EPHB1: variants seen among roughly 807,000 people sequenced by gnomAD.
EPHB1 encodes ephrin type-B receptor 1.
A neutral mutation model predicts 94.4 loss-of-function variants in EPHB1; 30 were observed. The observed-to-expected ratio is 0.32, with a 90% confidence interval of 0.24 to 0.43. The LOEUF is 0.43. Among genes scored for constraint, EPHB1 ranks in the 20% least tolerant of loss-of-function variants. The probability of loss-of-function intolerance (pLI) is 1.00; values close to 1 mark genes in which losing one functional copy is unlikely to be tolerated. For missense variants in EPHB1, 1,055 were observed against 1,308.3 expected (o/e 0.81, Z 2.99); for synonymous variants, 522 against 489.1 (o/e 1.07, Z -0.89).
chr3:135,207,936 A>G (rs1404905711), intron 12 of EPHB1, among the ~76,000 whole-genome samples: 1 of 152,230 alleles, frequency 6.6e-6, no homozygotes, highest in Non-Finnish European at 1.5e-5. Flanking sequence ...CTCCACCTTC[A>G]TGACATAAAC....
At chr3:134,818,196 T>C (rs79113956) in intron 1 of EPHB1, among the ~76,000 whole-genome samples, 18,156 of 152,078 alleles carry the variant, frequency 0.12, 2,628 homozygotes, top group African/African-American at 0.35. Context: ...TTCTCTACCC[T>C]ACTTTCATTT....
At chr3:134,908,140 T>G (rs1165687313) in intron 1 of EPHB1, among the ~76,000 whole-genome samples, 2 of 152,244 alleles carry the variant, frequency 1.3e-5, no homozygotes, top group Non-Finnish European at 2.9e-5. Flanking sequence ...CACACTGCAG[T>G]GCAGTAAGCT....
intron 3 of EPHB1, among the ~76,000 whole-genome samples, chr3:134,994,185 GT>G (rs1934912803): frequency 6.6e-6 from 1 of 152,198 alleles, no homozygotes; most frequent in African/African-American, 2.4e-5. Flanking sequence ...TTTATTTATT[GT>G]TTTATTCCTA....
Position 134,890,917 on chromosome 3 carries a change from C to A in EPHB1, c.59-34899C>A, listed in dbSNP as rs564780309. On this transcript the variant is annotated intron_variant, in intron 1 of 15. Coordinates refer to ENST00000398015, the MANE Select transcript of EPHB1 (RefSeq NM_004441.5). The stretch of plus-strand genomic sequence containing the variant: ...TCTATATATGACTTTAATAGCCTGC[C>A]TTTTTACCACCTAAGACAGATTGCC... Among the ~76,000 whole-genome samples the A allele has an allele frequency of 5.1e-4, 77 of 152,102 alleles. 1 individual carries two copies. The highest frequency in any genetic ancestry group is 9.8e-4 in the Admixed American group (15 of 15,282).
chr3:134,812,337 T>C (rs573160760), intron 1 of EPHB1, among the ~76,000 whole-genome samples: 5 of 152,354 alleles, frequency 3.3e-5, no homozygotes, highest in African/African-American at 1.2e-4. Flanking sequence ...TGTTTTGCTT[T>C]TCTAAAAGCT....
intron 1 of EPHB1, among the ~76,000 whole-genome samples, chr3:134,832,070 T>C (rs1166613046): frequency 6.6e-6 from 1 of 152,196 alleles, no homozygotes; most frequent in African/African-American, 2.4e-5. Flanking sequence ...AATAGATACT[T>C]TTTAGTTTTA....
intron 12 of EPHB1, among the ~76,000 whole-genome samples, chr3:135,232,971 G>A (rs559500700): frequency 6.6e-6 from 1 of 152,188 alleles, no homozygotes; most frequent in African/African-American, 2.4e-5. Flanking sequence ...CCTCCCACTG[G>A]GTCTCTATTA....
intron 5 of EPHB1, among the ~76,000 whole-genome samples, chr3:135,137,254 G>A (rs1460120177): frequency 6.6e-6 from 1 of 152,168 alleles, no homozygotes; most frequent in Non-Finnish European, 1.5e-5. Context: ...AGAGAGTGGT[G>A]GGGACTGCAG....
chr3:134,800,958 C>T (rs1424781472), intron 1 of EPHB1, among the ~76,000 whole-genome samples: 1 of 152,178 alleles, frequency 6.6e-6, no homozygotes, highest in Admixed American at 6.5e-5. Flanking sequence ...GGCAGTCAGG[C>T]TCTGTAGTCT....
chr3:135,118,442 G>A (rs1939802357), intron 4 of EPHB1, among the ~76,000 whole-genome samples: 1 of 152,198 alleles, frequency 6.6e-6, no homozygotes, highest in African/African-American at 2.4e-5. Context: ...TATTACAACT[G>A]GTTCCAATTT....
At chr3:134,918,107 T>C (rs1006338141) in intron 1 of EPHB1, among the ~76,000 whole-genome samples, 1 of 152,250 alleles carries the variant, frequency 6.6e-6, no homozygotes, top group Admixed American at 6.5e-5. Flanking sequence ...CACAGCTCTG[T>C]GCTCTGAAGT....
At chr3:135,134,411 C>T (rs1012982420) in intron 5 of EPHB1, among the ~76,000 whole-genome samples, 2 of 152,150 alleles carry the variant, frequency 1.3e-5, no homozygotes, top group African/African-American at 2.4e-5. Flanking sequence ...TGAGTTTAAG[C>T]TGTCAGAACT....
At chr3:134,999,224 A>G (rs1489429681) in intron 3 of EPHB1, among the ~76,000 whole-genome samples, 2 of 152,184 alleles carry the variant, frequency 1.3e-5, no homozygotes, top group East Asian at 3.8e-4. Context: ...AGGGAAAGAA[A>G]AAAAGAGAGC....
At chr3:134,807,694 C>T (rs1041861725) in intron 1 of EPHB1, among the ~76,000 whole-genome samples, 15 of 152,226 alleles carry the variant, frequency 9.9e-5, no homozygotes, top group African/African-American at 3.1e-4. Context: ...GAAAACAGCA[C>T]TCTCACAGGC....
At chr3:134,961,024 G>T (rs1578233115) in intron 3 of EPHB1, among the ~76,000 whole-genome samples, 1 of 152,114 alleles carries the variant, frequency 6.6e-6, no homozygotes, top group East Asian at 1.9e-4. Flanking sequence ...CAGCAGTTAT[G>T]GCCTTCTCCT....
intron 3 of EPHB1, among the ~76,000 whole-genome samples, chr3:135,068,346 C>CT (rs1937611329): frequency 1.3e-5 from 2 of 152,226 alleles, no homozygotes; most frequent in Non-Finnish European, 1.5e-5. Context: ...TAATATCTGT[C>CT]TTTTTTTATT....
intron 1 of EPHB1, among the ~76,000 whole-genome samples, chr3:134,862,404 C>T (rs780849906): frequency 4.0e-5 from 6 of 151,660 alleles, no homozygotes; most frequent in Non-Finnish European, 7.4e-5. Flanking sequence ...ATGATTTAAC[C>T]ACAGTTCTTT....
intron 1 of EPHB1, among the ~76,000 whole-genome samples, chr3:134,845,758 C>G (rs2036860927): frequency 6.6e-6 from 1 of 152,160 alleles, no homozygotes; most frequent in Non-Finnish European, 1.5e-5. Context: ...TTTTTCCTGC[C>G]ACTATCATTT....
intron 4 of EPHB1, among the ~76,000 whole-genome samples, chr3:135,131,470 T>C (rs771148947): frequency 2.0e-5 from 3 of 152,140 alleles, no homozygotes. Flanking sequence ...TCTGAATGCA[T>C]TACTATCTGA....
Sources: allele counts gnomAD v4.1 joint callset (sites outside exome capture counted in the v4.1 genomes callset), GRCh38; gene constraint gnomAD v4.1.1; transcripts MANE v1.5; gene names NCBI Gene and HGNC (gene_info 2026-07-23, HGNC 2026-07-21).